The following CNTN5 variants were observed in gnomAD, a reference collection of about 807,000 sequenced individuals.
CNTN5 encodes the protein contactin 5.
In CNTN5, 77 loss-of-function variants were observed where a neutral mutation model predicts 129.1. The observed-to-expected ratio is 0.60, with a 90% CI of 0.50 to 0.72. The LOEUF (loss-of-function observed/expected upper bound fraction) is 0.72. Ranked by LOEUF, CNTN5 falls within the 30% of genes least tolerant of loss-of-function variation. CNTN5 has a pLI of 0.00. For synonymous variants in CNTN5, 509 were observed against 465.6 expected (o/e 1.09, Z -1.20); for missense variants, 1,478 against 1,328.8 (o/e 1.11, Z -1.75).
intron 2 of CNTN5, among the ~76,000 whole-genome samples, chr11:99,525,146 G>T (rs1226834705): frequency 2.9e-5 from 4 of 138,558 alleles, no homozygotes; most frequent in Non-Finnish European, 6.6e-5. Flanking sequence ...TTTAAAGGGA[G>T]GCTTTTTTTT....
chr11:100,197,666 TC>T (rs770594551), intron 15 of CNTN5, among the ~76,000 whole-genome samples: 54 of 152,000 alleles, frequency 3.6e-4, no homozygotes, highest in Non-Finnish European at 2.8e-4. Context: ...GCCACTGTTT[TC>T]CAGTGACTTG....
intron 1 of CNTN5, among the ~76,000 whole-genome samples, chr11:99,031,775 T>C (rs183399095): frequency 7.9e-5 from 12 of 152,030 alleles, no homozygotes; most frequent in Admixed American, 6.5e-5. Context: ...TTTTTTTTTT[T>C]ATTATTATAC....
chr11:99,369,033 A>G (rs1260084204), intron 2 of CNTN5, among the ~76,000 whole-genome samples: 4 of 151,814 alleles, frequency 2.6e-5, no homozygotes, highest in Admixed American at 6.6e-5. Context: ...CATGGAAGTT[A>G]GACCCTTCCC....
chr11:99,919,341 A>G (rs921585763), intron 7 of CNTN5, among the ~76,000 whole-genome samples: 4 of 151,762 alleles, frequency 2.6e-5, no homozygotes, highest in African/African-American at 7.3e-5. Context: ...TCAGAGTTTG[A>G]TTCCTCTTCT....
At chr11:99,736,422 G>A (rs183570054) in intron 3 of CNTN5, among the ~76,000 whole-genome samples, 390 of 152,286 alleles carry the variant, frequency 2.6e-3, no homozygotes, top group Non-Finnish European at 4.8e-3. Flanking sequence ...TGATGAAGAA[G>A]GGGTTGGAGT....
intron 3 of CNTN5, among the ~76,000 whole-genome samples, chr11:99,703,234 T>G (rs1200098510): frequency 6.7e-6 from 1 of 149,544 alleles, no homozygotes; most frequent in Non-Finnish European, 1.5e-5. Context: ...GGGGTTTTTT[T>G]TTTTTTTTTT....
At chr11:99,473,603 A>G (rs922384137) in intron 2 of CNTN5, among the ~76,000 whole-genome samples, 2 of 151,842 alleles carry the variant, frequency 1.3e-5, no homozygotes, top group Non-Finnish European at 2.9e-5. Context: ...CAACTTAAAG[A>G]TTGAGATTTA....
chr11:99,533,088 T>A (rs1022931936), intron 2 of CNTN5, among the ~76,000 whole-genome samples: 2 of 152,118 alleles, frequency 1.3e-5, no homozygotes, highest in Non-Finnish European at 2.9e-5. Context: ...CCATGTATAG[T>A]GAAATGTGCC....
rs201539942 is a variant in CNTN5, at chr11:100,193,510, T to G, written c.1731T>G (p.Thr577=). 329 of 1,601,242 alleles carry G rather than the reference T, an allele frequency of 2.1e-4. 6 individuals carry two copies. In the South Asian group the frequency reaches 3.5e-3, roughly 17 times the overall value. ...TAGAACCTACAAGGATAGAACTTAC[T>G]CCTAAAAGAACAGAATTGACAGTGG... ...SVKEPTRIEL[T]PKRTELTVGE... The change falls in exon 15 of 25, where the codon ACT becomes ACG. Residue 577 remains threonine, a synonymous_variant. Transcript: ENST00000524871.
intron 18 of CNTN5, among the ~76,000 whole-genome samples, chr11:100,275,497 A>G (rs1354621163): frequency 6.6e-6 from 1 of 151,974 alleles, no homozygotes; most frequent in African/African-American, 2.4e-5. Context: ...ATAAATATTC[A>G]TTTCAAAAAT....
At chr11:100,273,702 G>A (rs149331247) in intron 18 of CNTN5, among the ~76,000 whole-genome samples, 87 of 152,176 alleles carry the variant, frequency 5.7e-4, no homozygotes, top group African/African-American at 1.7e-3. Flanking sequence ...CATTGCCTCC[G>A]CCACTGTGGT....
intron 13 of CNTN5, among the ~76,000 whole-genome samples, chr11:100,084,610 A>G (rs1205937633): frequency 6.6e-6 from 1 of 152,144 alleles, no homozygotes; most frequent in Non-Finnish European, 1.5e-5. Context: ...AATATAACAT[A>G]TACAGATGTT....
Position 99,473,949 on chromosome 11 carries a change from A to G in CNTN5, c.-70-82196A>G, listed in dbSNP as rs187899609. Among the ~76,000 whole-genome samples the G allele has an allele frequency of 5.8e-4, 89 of 152,218 alleles. 1 individual carries two copies. The highest frequency in any genetic ancestry group is 2.1e-3 in the African/African-American group (87 of 41,550). On this transcript the variant is annotated intron_variant, in intron 2 of 24. Coordinates refer to ENST00000524871, the MANE Select transcript of CNTN5 (RefSeq NM_014361.4). ...GTAGCCATAGTGCTACTGGTTTTTA[A>G]GTCCACTGCTGAGTTTGGCCAGGGC...
intron 6 of CNTN5, among the ~76,000 whole-genome samples, chr11:99,872,871 T>A (rs1302343563): frequency 1.3e-5 from 2 of 152,082 alleles, no homozygotes; most frequent in African/African-American, 4.8e-5. Context: ...ATATTTGAGA[T>A]TATATTTTCA....
intron 3 of CNTN5, among the ~76,000 whole-genome samples, chr11:99,635,319 C>T (rs1951510843): frequency 1.3e-5 from 2 of 152,040 alleles, no homozygotes; most frequent in South Asian, 2.1e-4. Context: ...TTTGCTTATG[C>T]GAGTCAGTTA....
intron 13 of CNTN5, among the ~76,000 whole-genome samples, chr11:100,174,428 C>T (rs1361691389): frequency 6.6e-6 from 1 of 152,044 alleles, no homozygotes; most frequent in Non-Finnish European, 1.5e-5. Flanking sequence ...ATCACAGAGT[C>T]CCTTGAGAAT....
intron 7 of CNTN5, among the ~76,000 whole-genome samples, chr11:99,921,739 C>T (rs541646830): frequency 8.6e-5 from 13 of 151,754 alleles, no homozygotes; most frequent in Non-Finnish European, 1.6e-4. Context: ...AGTATGAGCT[C>T]AAAAATATTT....
intron 1 of CNTN5, among the ~76,000 whole-genome samples, chr11:99,133,109 A>C (rs559280099): frequency 6.6e-6 from 1 of 152,306 alleles, no homozygotes; most frequent in East Asian, 1.9e-4. Flanking sequence ...CCACACACCT[A>C]CAACGATCTG....
chr11:99,945,404 G>A (rs1355064635), intron 7 of CNTN5, among the ~76,000 whole-genome samples: 1 of 151,730 alleles, frequency 6.6e-6, no homozygotes, highest in Non-Finnish European at 1.5e-5. Flanking sequence ...TAGGTAAGAG[G>A]CTATGTTTTA....
Sources: allele counts gnomAD v4.1 joint callset (sites outside exome capture counted in the v4.1 genomes callset), GRCh38; gene constraint gnomAD v4.1.1; transcripts MANE v1.5; gene names NCBI Gene and HGNC (gene_info 2026-07-23, HGNC 2026-07-21).